Variants in SIAH3 observed in about 807,000 individuals in gnomAD.
The protein encoded by SIAH3 is siah E3 ubiquitin protein ligase family member 3, also known as seven in absentia homolog 3.
Under a neutral mutation model 12.6 loss-of-function variants are expected in SIAH3, and 9 were observed. The observed-to-expected ratio is 0.72, with a 90% CI of 0.43 to 1.25. The LOEUF is 1.25. SIAH3 is among the 50% of genes most tolerant of loss of function. The pLI is 0.00. For missense variants in SIAH3, 390 were observed against 365.4 expected (o/e 1.07, Z -0.55); for synonymous variants, 154 against 151.1 (o/e 1.02, Z -0.14).
intron 1 of SIAH3, among the ~76,000 whole-genome samples, chr13:45,796,235 A>T (rs987811981): frequency 6.8e-6 from 1 of 147,620 alleles, no homozygotes; most frequent in East Asian, 1.9e-4. Context: ...CATGCTATAC[A>T]TCAAAAAACA....
intron 1 of SIAH3, among the ~76,000 whole-genome samples, chr13:45,849,707 T>C (rs1219213378): frequency 6.6e-6 from 1 of 152,154 alleles, no homozygotes; most frequent in East Asian, 1.9e-4. Flanking sequence ...TTGAGAAATA[T>C]ACACAAGTGG....
chr13:45,786,747 A>G (rs929912909), intron 1 of SIAH3, among the ~76,000 whole-genome samples: 3 of 152,096 alleles, frequency 2.0e-5, no homozygotes, highest in African/African-American at 7.2e-5. Context: ...TGATCAAGTC[A>G]CTTTCACACA....
intron 1 of SIAH3, among the ~76,000 whole-genome samples, chr13:45,794,427 C>T (rs1015216893): frequency 7.2e-5 from 11 of 152,136 alleles, no homozygotes; most frequent in African/African-American, 2.7e-4. Context: ...TTATCATTAT[C>T]ATCATCATCA....
At chr13:45,824,387 C>T (rs565256384) in intron 1 of SIAH3, among the ~76,000 whole-genome samples, 3 of 152,262 alleles carry the variant, frequency 2.0e-5, no homozygotes, top group South Asian at 2.1e-4. Context: ...TTGCTGCTGT[C>T]GATAAAGCTC....
intron 1 of SIAH3, among the ~76,000 whole-genome samples, chr13:45,826,890 C>G (rs1456367332): frequency 6.6e-6 from 1 of 152,166 alleles, no homozygotes; most frequent in Non-Finnish European, 1.5e-5. Context: ...CAGACCAACC[C>G]TGACCTGGTG....
chr13:45,826,224 T>A (rs1006760014), intron 1 of SIAH3, among the ~76,000 whole-genome samples: 1 of 152,190 alleles, frequency 6.6e-6, no homozygotes, highest in African/African-American at 2.4e-5. Flanking sequence ...TGGGCTGGAT[T>A]GTAAACCCTG....
At chr13:45,805,011 A>ACACACACACACACACACACAC (rs1555257638) in intron 1 of SIAH3, among the ~76,000 whole-genome samples, 1 of 118,652 alleles carries the variant, frequency 8.4e-6, no homozygotes, top group African/African-American at 3.0e-5. Context: ...CACACACACA[A>ACACACACACACACACACACAC]AATACTTTGG....
chr13:45,783,991 G>T lies in SIAH3; in HGVS notation c.202C>A (p.Leu68Ile), dbSNP rs767518982. The T allele has an allele frequency of 2.5e-6, 4 of 1,606,560 alleles. No homozygotes were observed. The South Asian group carries it at 4.5e-5, about 18-fold the overall frequency. The change falls in exon 2 of 2, where the codon CTC becomes ATC. Residue 68 changes from leucine (L) to isoleucine (I), a missense_variant. By Grantham distance (5) the Leu-to-Ile change is conservative (BLOSUM62 2). Transcript: ENST00000400405. ...CGGTGGTGGCAGTGGTGGTGGGAGA[G>T]ATGGTGAGGGTGGAAGCTGCCTTGC... ...PEQGSFHPHH[L>I]SHHHCHHRHH...
intron 1 of SIAH3, among the ~76,000 whole-genome samples, chr13:45,801,286 G>A (rs1474013163): frequency 6.6e-6 from 1 of 152,196 alleles, no homozygotes; most frequent in African/African-American, 2.4e-5. Context: ...AAATGGGTCA[G>A]AAACAATAGA....
chr13:45,816,791 C>G (rs1295994878), intron 1 of SIAH3, among the ~76,000 whole-genome samples: 2 of 152,200 alleles, frequency 1.3e-5, no homozygotes, highest in Non-Finnish European at 2.9e-5. Flanking sequence ...TGGGGAGAAA[C>G]AGCCCACGGT....
intron 1 of SIAH3, among the ~76,000 whole-genome samples, chr13:45,829,746 C>T (rs1228778036): frequency 6.6e-6 from 1 of 152,114 alleles, no homozygotes; most frequent in Non-Finnish European, 1.5e-5. Flanking sequence ...AACTGTCTTG[C>T]TTGTTTCCCT....
chr13:45,851,616 G>A lies in SIAH3; in HGVS notation c.14C>T (p.Thr5Ile). The A allele has an allele frequency of 1.2e-6, 2 of 1,614,216 alleles. No homozygotes were observed. The highest frequency in any genetic ancestry group is 1.7e-6 in the Non-Finnish European group (2 of 1,180,044). The change falls in exon 1 of 2, where the codon ACC (threonine) becomes ATC (isoleucine). Residue 5 changes from threonine (T) to isoleucine (I), a missense_variant. Physicochemically the swap from Thr to Ile is moderately conservative, Grantham distance 89. Transcript: ENST00000400405. Reference sequence around the variant, plus strand: ...ATCTAATACAGCCCCAAAGCACTGGGTAAAGAAAAGCATCACAACTTTTGG... The same window carrying A: ...ATCTAATACAGCCCCAAAGCACTGGATAAAGAAAAGCATCACAACTTTTGG... Reference protein sequence around the residue: MLFFTQCFGAVLDLI... With the variant: MLFFIQCFGAVLDLI...
At chr13:45,813,829 A>T (rs1361927199) in intron 1 of SIAH3, among the ~76,000 whole-genome samples, 3 of 152,050 alleles carry the variant, frequency 2.0e-5, no homozygotes, top group African/African-American at 7.2e-5. Context: ...TAATACCATC[A>T]TAAGGGTTCT....
chr13:45,786,514 G>A (rs368450871), intron 1 of SIAH3, among the ~76,000 whole-genome samples: 2 of 152,064 alleles, frequency 1.3e-5, no homozygotes, highest in African/African-American at 4.8e-5. Flanking sequence ...GCTGGAGGTC[G>A]AAAGACTCTA....
chr13:45,835,510 C>T (rs965427129), intron 1 of SIAH3, among the ~76,000 whole-genome samples: 1 of 152,180 alleles, frequency 6.6e-6, no homozygotes, highest in Non-Finnish European at 1.5e-5. Flanking sequence ...TATATTAACT[C>T]ATTTAGTCCT....
At chr13:45,813,502 A>G (rs748587909) in intron 1 of SIAH3, among the ~76,000 whole-genome samples, 5 of 152,232 alleles carry the variant, frequency 3.3e-5, no homozygotes, top group African/African-American at 7.2e-5. Context: ...TTCATCATCC[A>G]TCTTAGTCAG....
At chr13:45,801,340 A>G (rs542739850) in intron 1 of SIAH3, among the ~76,000 whole-genome samples, 5 of 152,174 alleles carry the variant, frequency 3.3e-5, no homozygotes, top group African/African-American at 1.2e-4. Flanking sequence ...CACTCCTGGA[A>G]GACAGAGGAC....
At chr13:45,800,871 G>A (rs117775865) in intron 1 of SIAH3, among the ~76,000 whole-genome samples, 2 of 152,166 alleles carry the variant, frequency 1.3e-5, no homozygotes, top group African/African-American at 2.4e-5. Context: ...GCACTGAATT[G>A]GTAATGAGAT....
intron 1 of SIAH3, among the ~76,000 whole-genome samples, chr13:45,822,556 T>TATATATATATATATATATATATA (rs58735572): frequency 2.2e-4 from 30 of 137,016 alleles, no homozygotes; most frequent in Non-Finnish European, 2.5e-4. Context: ...TATATATATA[T>TATATATATATATATATATATATA]TAGACTAGGG....
Sources: allele counts gnomAD v4.1 joint callset (sites outside exome capture counted in the v4.1 genomes callset), GRCh38; gene constraint gnomAD v4.1.1; transcripts MANE v1.5; gene names NCBI Gene and HGNC (gene_info 2026-07-23, HGNC 2026-07-21).